Variants in TDRD12 observed in about 807,000 individuals in gnomAD.
The protein encoded by TDRD12 is tudor domain containing 12, also known as putative ATP-dependent RNA helicase TDRD12.
Under a neutral mutation model 133.5 loss-of-function variants are expected in TDRD12, and 158 were observed. The observed-to-expected ratio is 1.18, with a 90% confidence interval of 1.04 to 1.35. The LOEUF is 1.35. Among genes scored for constraint, TDRD12 ranks in the 40% most tolerant of loss-of-function variants. The pLI is 0.00. For missense variants in TDRD12, 1,443 were observed against 1,321.3 expected (o/e 1.09, Z -1.43); for synonymous variants, 460 against 477.9 (o/e 0.96, Z 0.49).
chr19:32,739,093 T>G (rs1969313567), intron 3 of TDRD12, 101 bp downstream of exon 3: 1 of 1,387,712 alleles, frequency 7.2e-7, no homozygotes, highest in East Asian at 2.5e-5. Flanking sequence ...GTCACTACAC[T>G]GAGAAAAGAC....
At chr19:32,781,082 A>G (rs1180485561) in intron 11 of TDRD12, among the ~76,000 whole-genome samples, 1 of 151,536 alleles carries the variant, frequency 6.6e-6, no homozygotes, top group African/African-American at 2.4e-5. Flanking sequence ...AGCTGGGGCT[A>G]CAGGCACCCA....
chr19:32,756,292 T>G, intron 7 of TDRD12, 111 bp downstream of exon 7: 1 of 956,890 alleles, frequency 1.0e-6, no homozygotes, highest in Non-Finnish European at 1.4e-6. Context: ...AGACTTGGAC[T>G]CTGTTTAAAG....
At chr19:32,737,242 C>T (rs777471658) in intron 2 of TDRD12, among the ~76,000 whole-genome samples, 6 of 152,162 alleles carry the variant, frequency 3.9e-5, no homozygotes, top group African/African-American at 7.2e-5. Context: ...CTCATTCTGT[C>T]GCCCAGGCTG....
intron 23 of TDRD12, among the ~76,000 whole-genome samples, chr19:32,810,992 G>T (rs1180024183): frequency 1.3e-5 from 2 of 152,040 alleles, no homozygotes; most frequent in Admixed American, 6.6e-5. Context: ...TAGATAAAAG[G>T]ATTTACTCTT....
At chr19:32,743,635 G>A (rs575019001) in intron 4 of TDRD12, among the ~76,000 whole-genome samples, 9 of 151,728 alleles carry the variant, frequency 5.9e-5, no homozygotes, top group Non-Finnish European at 1.3e-4. Flanking sequence ...TTCCAGCTCT[G>A]AACTTGCAGG....
Position 32,803,098 on chromosome 19 carries a change from C to CG in TDRD12, c.2510dup (p.Arg838LysfsTer21). 1.3e-6 allele frequency: 2 copies of CG among 1,535,270 alleles called. No individual in the cohort carries two copies. The highest frequency in any genetic ancestry group is 1.7e-6 in the Non-Finnish European group (2 of 1,146,772). On this transcript the variant is annotated frameshift_variant, in exon 21 of 28. Coordinates refer to ENST00000444215, the Ensembl canonical transcript of TDRD12. LOFTEE classifies it high-confidence loss of function. ...TGGAAGCCAAAGAAGATAAGAAAGC[C>CG]GGAAGGCCTCTTTGTCCATATCTGA...
intron 17 of TDRD12, 25 bp downstream of exon 17, chr19:32,800,383 G>T (rs925497020): frequency 2.1e-6 from 3 of 1,419,720 alleles, no homozygotes; most frequent in Non-Finnish European, 1.9e-6. Flanking sequence ...ATGTGTATGT[G>T]TATGTGTGTG....
At chr19:32,730,491 A>G (rs1969016282) in intron 1 of TDRD12, among the ~76,000 whole-genome samples, 1 of 152,104 alleles carries the variant, frequency 6.6e-6, no homozygotes. Flanking sequence ...TCCAGGGTTT[A>G]TTATTGTTAC....
intron 11 of TDRD12, among the ~76,000 whole-genome samples, chr19:32,780,796 T>G (rs1336273379): frequency 7.8e-5 from 2 of 25,512 alleles, no homozygotes; most frequent in African/African-American, 3.0e-4. Flanking sequence ...TTTCCTTGGG[T>G]TTTTTTTTTT....
At chr19:32,738,958 G>A in exon 3 of TDRD12, 1 of 1,550,882 alleles carries the variant, frequency 6.4e-7, no homozygotes, top group South Asian at 1.2e-5. Flanking sequence ...TTTCCTTGTG[G>A]ACTTTGCCAA....
At chr19:32,803,378 C>T (rs549382109) in intron 21 of TDRD12, among the ~76,000 whole-genome samples, 2 of 152,282 alleles carry the variant, frequency 1.3e-5, no homozygotes, top group South Asian at 2.1e-4. Flanking sequence ...TGTTCTCTTT[C>T]GTGTCTGGCT....
rs114363443 is a variant in TDRD12, at chr19:32,792,347, G to A, written c.1287+1279G>A. ...ATCCCCAGAGAGAATAAATATCCCC[G>A]GAGAGAAGACATTGCATCTCTAACA... On this transcript the variant is annotated intron_variant, in intron 13 of 27. Transcript: ENST00000444215. Among the ~76,000 whole-genome samples, 914 of 152,160 alleles carry A rather than the reference G, an allele frequency of 6.0e-3. 9 individuals are homozygous for A. The highest frequency in any genetic ancestry group is 0.02 in the African/African-American group (837 of 41,512).
intron 11 of TDRD12, among the ~76,000 whole-genome samples, chr19:32,783,262 T>C (rs1163957706): frequency 6.6e-6 from 1 of 152,182 alleles, no homozygotes; most frequent in Non-Finnish European, 1.5e-5. Flanking sequence ...TTGTCAAAGA[T>C]AAGATGGCGG....
At chr19:32,723,023 A>G (rs1968737571) in intron 1 of TDRD12, among the ~76,000 whole-genome samples, 1 of 152,110 alleles carries the variant, frequency 6.6e-6, no homozygotes. Context: ...TATATTTTAC[A>G]TTTAGATATA....
At chr19:32,791,272 G>C (rs1488323778) in intron 13 of TDRD12, among the ~76,000 whole-genome samples, 1 of 152,122 alleles carries the variant, frequency 6.6e-6, no homozygotes, top group African/African-American at 2.4e-5. Flanking sequence ...TCTTAGAAGT[G>C]AGTGAGTGAT....
chr19:32,743,411 C>G (rs577398218), intron 4 of TDRD12, among the ~76,000 whole-genome samples: 2 of 150,528 alleles, frequency 1.3e-5, no homozygotes, highest in South Asian at 2.1e-4. Context: ...CTCCCCTGCT[C>G]CCTTCTTGCT....
At chr19:32,729,384 AT>A (rs1968968929) in intron 1 of TDRD12, among the ~76,000 whole-genome samples, 1 of 150,584 alleles carries the variant, frequency 6.6e-6, no homozygotes, top group African/African-American at 2.4e-5. Context: ...CGCCCAGCTA[AT>A]TTTTTGTATT....
intron 25 of TDRD12, among the ~76,000 whole-genome samples, 185 bp from the exon 26 acceptor site, chr19:32,815,263 G>A (rs1357937034): frequency 6.6e-6 from 1 of 152,200 alleles, no homozygotes; most frequent in East Asian, 1.9e-4. Context: ...TGGATGATTT[G>A]GATGGAACCT....
chr19:32,808,994 A>T (rs1966907601), intron 22 of TDRD12, among the ~76,000 whole-genome samples: 1 of 151,744 alleles, frequency 6.6e-6, no homozygotes, highest in Non-Finnish European at 1.5e-5. Flanking sequence ...TTCATATCGG[A>T]TTTGACCTTG....
Sources: gnomAD v4.1 joint callset for allele counts (sites outside exome capture counted in the v4.1 genomes callset) on GRCh38, gnomAD v4.1.1 for gene constraint, MANE v1.5 for transcripts, NCBI Gene and HGNC (gene_info 2026-07-23, HGNC 2026-07-21) for gene names.